MCM10: variants seen among roughly 807,000 people sequenced by gnomAD.
MCM10 encodes the protein minichromosome maintenance 10 replication initiation factor, also known as protein MCM10 homolog.
MCM10 carries 91 observed loss-of-function variants against 109.9 expected under a neutral mutation model. The observed-to-expected ratio is 0.83, with a 90% CI of 0.70 to 0.99. The LOEUF (loss-of-function observed/expected upper bound fraction) is 0.99, where lower values mean the gene tolerates loss of function less well. Among genes scored for constraint, MCM10 ranks in the 50% least tolerant of loss-of-function variants. The pLI is 0.00. For synonymous variants in MCM10, 380 were observed against 387.2 expected (o/e 0.98, Z 0.22); for missense variants, 1,077 against 1,061.2 (o/e 1.01, Z -0.21).
chr10:13,198,614 G>A, intron 15 of MCM10, 75 bp from the exon 16 acceptor site: 1 of 902,196 alleles, frequency 1.1e-6, no homozygotes, highest in Non-Finnish European at 1.8e-6. Context: ...GGAGTGGGAG[G>A]GAGTAGAGTT....
rs1221847059 is a variant in MCM10, at chr10:13,210,017, G to GTGAT, written c.*708_*711dup. The GTGAT allele has an allele frequency of 1.3e-5, 2 of 151,888 alleles. No individual in the cohort carries two copies. Among genetic ancestry groups the GTGAT allele is most frequent in the African/African-American group, 2.4e-5 (1 of 41,360 alleles). The allele number at this position is 151,888 out of a possible 1,614,324, so 9.4% of individuals were successfully genotyped here. ...TGCTCTTACATTATTGTGGAGCCCT[G>GTGAT]TGATAGAAATATGTAAAATCTCATA... On this transcript the variant is annotated 3_prime_UTR_variant, in exon 20 of 20. Transcript: ENST00000378714.
intron 5 of MCM10, among the ~76,000 whole-genome samples, chr10:13,175,043 G>C (rs1341716639): frequency 6.6e-6 from 1 of 152,072 alleles, no homozygotes; most frequent in Non-Finnish European, 1.5e-5. Context: ...CAGGAGAATT[G>C]CTTGAACCCT....
chr10:13,162,087 A>C (rs547488109), intron 1 of MCM10, among the ~76,000 whole-genome samples: 41 of 152,268 alleles, frequency 2.7e-4, no homozygotes, highest in Admixed American at 7.8e-4. Flanking sequence ...TCTCAGAAAG[A>C]TGAGTAAGTG....
chr10:13,189,109 A>G, intron 10 of MCM10, 29 bp downstream of exon 10: 1 of 1,613,128 alleles, frequency 6.2e-7, no homozygotes, highest in East Asian at 2.2e-5. Flanking sequence ...TCTTTTGGGC[A>G]GAGGATTTTG....
Position 13,185,142 on chromosome 10 carries a change from A to C in MCM10, c.1099-1022A>C, listed in dbSNP as rs564644673. ...ATCTGGGTTGAGCCAGTCCACCAAG[A>C]CTCAGTCAAGGCACTCCAGGCAGGC... On this transcript the variant is annotated intron_variant, in intron 8 of 19. Coordinates refer to ENST00000378714, the MANE Select transcript of MCM10 (RefSeq NM_018518.5). 2.0e-5 allele frequency among the ~76,000 whole-genome samples: 3 copies of C among 152,102 alleles called. No homozygotes were observed. The South Asian group carries it at 6.3e-4, about 32-fold the overall frequency.
intron 2 of MCM10, among the ~76,000 whole-genome samples, chr10:13,167,764 T>C (rs1834020802): frequency 6.6e-6 from 1 of 152,214 alleles, no homozygotes; most frequent in Non-Finnish European, 1.5e-5. Flanking sequence ...TCAACAAGTA[T>C]TTGTTGCATG....
intron 9 of MCM10, among the ~76,000 whole-genome samples, chr10:13,188,195 G>A (rs1834299749): frequency 6.6e-6 from 1 of 152,070 alleles, no homozygotes; most frequent in South Asian, 2.1e-4. Context: ...GCAGAACAAT[G>A]CTGCACCATC....
chr10:13,194,968 A>T lies in MCM10; in HGVS notation c.1746-73A>T, dbSNP rs867708552. The T allele has an allele frequency of 1.6e-5, 22 of 1,401,870 alleles. 1 individual carries two copies. The Middle Eastern group carries it at 5.5e-4, about 35-fold the overall frequency. 86.8% of individuals were successfully genotyped at this position (1,401,870 alleles called of 1,614,324 possible). On this transcript the variant is annotated intron_variant, in intron 13 of 19. Coordinates refer to ENST00000378714, the MANE Select transcript of MCM10 (RefSeq NM_018518.5). ...ACTGGTGGCCTGCCTGCCGCCTCCCAGTCCACTTTGAGTTCTAGAGTTTTT... is the reference window on the plus strand; with the variant it reads ...ACTGGTGGCCTGCCTGCCGCCTCCCTGTCCACTTTGAGTTCTAGAGTTTTT...
chr10:13,192,539 GAGA>G lies in MCM10; in HGVS notation c.1719_1721del (p.Arg574del), dbSNP rs1834362429. On this transcript the variant is annotated inframe_deletion, in exon 13 of 20. Transcript: ENST00000378714. ...AGAAGCAGCGGATGTTGGAGATGAG[GAGA>G]AGGAAATCAGAAGAAATACAGAAGC... The G allele has an allele frequency of 1.2e-6, 2 of 1,614,080 alleles. No individual in the cohort carries two copies. Among genetic ancestry groups the G allele is most frequent in the African/African-American group, 2.7e-5 (2 of 74,924 alleles).
chr10:13,176,500 T>C (rs535721156), intron 6 of MCM10, among the ~76,000 whole-genome samples: 2 of 152,310 alleles, frequency 1.3e-5, no homozygotes, highest in East Asian at 3.9e-4. Flanking sequence ...TCTAAAACTC[T>C]GAAACCTTGT....
intron 7 of MCM10, among the ~76,000 whole-genome samples, chr10:13,181,846 A>G (rs1211765302): frequency 1.3e-5 from 2 of 152,194 alleles, no homozygotes; most frequent in Non-Finnish European, 2.9e-5. Flanking sequence ...AACTCTTCCA[A>G]GACAGGCACT....
chr10:13,175,234 G>A (rs1834125307), intron 5 of MCM10, among the ~76,000 whole-genome samples: 1 of 152,084 alleles, frequency 6.6e-6, no homozygotes, highest in African/African-American at 2.4e-5. Flanking sequence ...AGGGGTTTGA[G>A]ACCAGCCTGG....
At position 13,201,423 on chromosome 10, in the gene MCM10, C is replaced by G. The variant is rs778928825; in HGVS notation, c.2241C>G (p.Ala747=). 3.1e-6 allele frequency: 5 copies of G among 1,608,506 alleles called. No individual in the cohort carries two copies. The highest frequency in any genetic ancestry group is 1.7e-5 in the Admixed American group (1 of 59,766). ...KSKHTGILKE[A]EAEMQERYFE... is the part of the protein sequence containing the mutation. ...TTCATTATGCCCTGTCATTCCAGGC[C>G]GAGGCTGAGATGCAGGAGCGCTACT... Residue 747 remains alanine (A), a splice_region_variant and synonymous_variant, in exon 17 of 20, where the codon GCC becomes GCG. Transcript: ENST00000378714.
intron 16 of MCM10, 54 bp from the exon 17 acceptor site, chr10:13,201,367 C>T: frequency 9.6e-7 from 1 of 1,039,882 alleles, no homozygotes; most frequent in Middle Eastern, 2.0e-4. Flanking sequence ...ACTGTGCTGC[C>T]TGAGTGCATA....
rs372894054 is a variant in MCM10, at chr10:13,193,750, CAG to C, written c.1745+1184_1745+1185del. Among the ~76,000 whole-genome samples, 46 of 152,218 alleles carry C rather than the reference CAG, an allele frequency of 3.0e-4. 2 individuals are homozygous for C. In the South Asian group the frequency reaches 9.1e-3, roughly 30 times the overall value. On this transcript the variant is annotated intron_variant, in intron 13 of 19. Transcript: ENST00000378714. ...ATGACATAAATTATATACGTGGACA[CAG>C]AAATATGTATGGAGTTGGGGGCCTC...
At chr10:13,202,308 G>A (rs993143803) in intron 17 of MCM10, among the ~76,000 whole-genome samples, 8 of 152,186 alleles carry the variant, frequency 5.3e-5, no homozygotes, top group Admixed American at 4.6e-4. Flanking sequence ...AGTGAGCTAT[G>A]ATCACGCCAC....
chr10:13,172,634 C>T lies in MCM10; in HGVS notation c.461C>T (p.Ser154Phe). 6.2e-7 allele frequency: 1 copy of T among 1,614,046 alleles called. No individual in the cohort carries two copies. The highest frequency in any genetic ancestry group is 8.5e-7 in the Non-Finnish European group (1 of 1,180,004). Residue 154 changes from serine (S) to phenylalanine (F), a missense_variant, in exon 5 of 20, where the codon TCT (serine) becomes TTT (phenylalanine). Ser to Phe is a radical substitution (Grantham distance 155, BLOSUM62 -2). Transcript: ENST00000378714. The surrounding 1 kb of genome is among the most constrained non-coding windows in gnomAD (Gnocchi z 5.2). ...TTTACTTTTGATTAAGTAGAGAAGT[C>T]TCCCCGGCCACCTCTTAAGGAGAGG... Reference protein sequence around the residue: ...PARLQKSPEKSPRPPLKERRV... With the variant: ...PARLQKSPEKFPRPPLKERRV...
At chr10:13,201,687 C>T in intron 17 of MCM10, 153 bp downstream of exon 17, 1 of 616,614 alleles carries the variant, frequency 1.6e-6, no homozygotes, top group Non-Finnish European at 2.9e-6. Flanking sequence ...GGCCCAGGAC[C>T]CGGCTTCCTG....
intron 6 of MCM10, among the ~76,000 whole-genome samples, chr10:13,179,778 G>A (rs144981702): frequency 5.1e-4 from 78 of 152,150 alleles, no homozygotes; most frequent in African/African-American, 1.8e-3. Flanking sequence ...TTGCATAATC[G>A]ATGAAATTTA....
Sources: gnomAD v4.1 joint callset for allele counts (sites outside exome capture counted in the v4.1 genomes callset) on GRCh38, gnomAD v4.1.1 for gene constraint, Gnocchi (gnomAD v3.1) non-coding constraint, MANE v1.5 for transcripts, NCBI Gene and HGNC (gene_info 2026-07-23, HGNC 2026-07-21) for gene names.